The following GRIN3A variants were observed in gnomAD, a reference collection of about 807,000 sequenced individuals.
GRIN3A encodes the protein glutamate receptor ionotropic, NMDA 3A.
In GRIN3A, 47 loss-of-function variants were observed where a neutral mutation model predicts 92.4. That is an observed-to-expected ratio of 0.51 (90% CI 0.40 to 0.65). The LOEUF is 0.65. Ranked by LOEUF, GRIN3A falls within the 30% of genes least tolerant of loss-of-function variation. The probability of loss-of-function intolerance (pLI) is 0.00; values close to 1 mark genes in which losing one functional copy is unlikely to be tolerated. For synonymous variants in GRIN3A, 527 were observed against 540.6 expected, an observed-to-expected ratio of 0.97 and a Z score of 0.35; for missense variants, 1,324 against 1,393.1, an observed-to-expected ratio of 0.95 and a Z score of 0.79.
chr9:101,673,727 A>T (rs1185223632), intron 2 of GRIN3A, among the ~76,000 whole-genome samples: 1 of 152,060 alleles, frequency 6.6e-6, no homozygotes, highest in Non-Finnish European at 1.5e-5. Context: ...CAAGGAGAAA[A>T]ATCAGGAATA....
intron 1 of GRIN3A, among the ~76,000 whole-genome samples, chr9:101,710,897 C>G (rs1325680033): frequency 1.3e-5 from 2 of 152,124 alleles, no homozygotes; most frequent in Non-Finnish European, 2.9e-5. Context: ...CAGCTCTGAG[C>G]AGTTATGCTA....
intron 3 of GRIN3A, among the ~76,000 whole-genome samples, chr9:101,665,361 G>A (rs1221102765): frequency 2.0e-5 from 3 of 151,864 alleles, no homozygotes; most frequent in Non-Finnish European, 4.4e-5. Context: ...AGAGTTAAAG[G>A]AGAAAGGAGG....
chr9:101,689,297 C>A (rs868782311), intron 1 of GRIN3A, among the ~76,000 whole-genome samples: 25 of 152,140 alleles, frequency 1.6e-4, no homozygotes, highest in Admixed American at 2.0e-4. Context: ...TCTCCTGCAC[C>A]ATAACCTCCG....
At chr9:101,630,292 G>A (rs193096556) in intron 3 of GRIN3A, among the ~76,000 whole-genome samples, 1 of 152,160 alleles carries the variant, frequency 6.6e-6, no homozygotes, top group Non-Finnish European at 1.5e-5. Context: ...CTTTGGTCTT[G>A]TCTAGCTTCA....
At chr9:101,611,193 A>G (rs1828363423) in intron 6 of GRIN3A, among the ~76,000 whole-genome samples, 1 of 152,060 alleles carries the variant, frequency 6.6e-6, no homozygotes, top group African/African-American at 2.4e-5. Context: ...AGGTGTCAGC[A>G]GGGTTAGTTC....
chr9:101,698,291 C>T (rs1829706974), intron 1 of GRIN3A, among the ~76,000 whole-genome samples: 1 of 152,114 alleles, frequency 6.6e-6, no homozygotes, highest in East Asian at 1.9e-4. Flanking sequence ...CTTTGAGATG[C>T]TTGCATATTA....
At chr9:101,737,038 C>G (rs933768718) in intron 1 of GRIN3A, among the ~76,000 whole-genome samples, 22 of 152,264 alleles carry the variant, frequency 1.4e-4, no homozygotes, top group Admixed American at 1.3e-3. Flanking sequence ...CTCCCCACTT[C>G]TTTCCTTCCA....
At position 101,737,952 on chromosome 9, in the gene GRIN3A, G is replaced by A. The variant is rs1480661685; in HGVS notation, c.28C>T (p.Leu10=). Residue 10 remains leucine (L), a synonymous_variant, in exon 1 of 9, where the codon CTG becomes TTG. Coordinates refer to ENST00000361820, the MANE Select transcript of GRIN3A (RefSeq NM_133445.3). MRRLSLWWL[L]SRVCLLLPPP... is the part of the protein sequence containing the mutation. ...GGCAACAGCAGACAGACCCTGCTCA[G>A]CAGCCACCACAAACTCAGTCTCCTC... 6.5e-7 allele frequency: 1 copy of A among 1,537,682 alleles called. No individual in the cohort carries two copies. The highest frequency in any genetic ancestry group is 8.7e-7 in the Non-Finnish European group (1 of 1,148,492).
At chr9:101,723,317 C>T (rs910854387) in intron 1 of GRIN3A, among the ~76,000 whole-genome samples, 3 of 151,860 alleles carry the variant, frequency 2.0e-5, no homozygotes, top group Non-Finnish European at 2.9e-5. Flanking sequence ...TGCAGACCTT[C>T]GCGGTGAGTG....
intron 5 of GRIN3A, among the ~76,000 whole-genome samples, chr9:101,620,526 C>T (rs1162568376): frequency 6.6e-6 from 1 of 152,142 alleles, no homozygotes; most frequent in East Asian, 1.9e-4. Context: ...ATGAAGGAAT[C>T]ATTGCACTCT....
intron 3 of GRIN3A, among the ~76,000 whole-genome samples, chr9:101,669,549 C>T (rs945048042): frequency 2.0e-5 from 3 of 152,096 alleles, no homozygotes; most frequent in South Asian, 4.1e-4. Context: ...CCTTGTTCTA[C>T]ACTCAGTGAG....
chr9:101,612,908 G>A (rs759500294), intron 6 of GRIN3A, among the ~76,000 whole-genome samples: 24 of 152,174 alleles, frequency 1.6e-4, no homozygotes, highest in African/African-American at 5.3e-4. Context: ...AGAAGTACTC[G>A]CTAAGGTATG....
intron 6 of GRIN3A, among the ~76,000 whole-genome samples, chr9:101,606,906 A>ATTTTTTTTTTTTTTTTTT (rs536780165): frequency 1.2e-5 from 1 of 86,202 alleles, no homozygotes; most frequent in Non-Finnish European, 2.2e-5. Context: ...AAAAAATTAC[A>ATTTTTTTTTTTTTTTTTT]TTTTTTTTTT....
chr9:101,604,201 AG>A (rs1828247346), intron 6 of GRIN3A, among the ~76,000 whole-genome samples: 1 of 152,216 alleles, frequency 6.6e-6, no homozygotes, highest in Non-Finnish European at 1.5e-5. Context: ...AGAGAAAGAA[AG>A]GGAAGGAATG....
intron 1 of GRIN3A, among the ~76,000 whole-genome samples, chr9:101,689,413 A>G (rs1829583291): frequency 6.6e-6 from 1 of 152,182 alleles, no homozygotes; most frequent in Non-Finnish European, 1.5e-5. Flanking sequence ...AATCATATTG[A>G]GCATTTAGTA....
intron 6 of GRIN3A, among the ~76,000 whole-genome samples, chr9:101,579,647 A>AC (rs1304195673): frequency 6.6e-6 from 1 of 152,082 alleles, no homozygotes; most frequent in Non-Finnish European, 1.5e-5. Flanking sequence ...GTCCATGGGG[A>AC]CCCCGAAGAA....
chr9:101,656,531 G>A (rs1253608715), intron 3 of GRIN3A, among the ~76,000 whole-genome samples: 1 of 151,860 alleles, frequency 6.6e-6, no homozygotes, highest in African/African-American at 2.4e-5. Flanking sequence ...TGGATCATAT[G>A]GAAACTGACC....
rs186364096 is a variant in GRIN3A, at chr9:101,598,632, T to C, written c.2766+14744A>G. On this transcript the variant is annotated intron_variant, in intron 6 of 8. Transcript: ENST00000361820. ...AATGTTAGTCAATATAATGTCATTATCATCATTGCTATTATTACTAATTTT... is the reference window on the plus strand; with the variant it reads ...AATGTTAGTCAATATAATGTCATTACCATCATTGCTATTATTACTAATTTT... Among the ~76,000 whole-genome samples, 516 of 152,302 alleles carry C rather than the reference T, an allele frequency of 3.4e-3. 6 individuals are homozygous for C. Among genetic ancestry groups the C allele is most frequent in the African/African-American group, 0.012 (492 of 41,570 alleles).
In GRIN3A at chr9:101,569,779, T is replaced by C. The variant is rs1368558852; in HGVS notation, c.*3395A>G. On this transcript the variant is annotated 3_prime_UTR_variant, in exon 9 of 9. Coordinates refer to ENST00000361820, the MANE Select transcript of GRIN3A (RefSeq NM_133445.3). ...TGTTTTTCCTATCAAAAATATGAGT[T>C]GGGAGAAAAAGAGGCTCTAAAGTAG... The C allele has an allele frequency of 6.6e-6, 1 of 152,172 alleles. No homozygotes were observed. The highest frequency in any genetic ancestry group is 1.5e-5 in the Non-Finnish European group (1 of 68,032). 9.4% of individuals were successfully genotyped at this position (152,172 alleles called of 1,614,324 possible).
Sources: gnomAD v4.1 joint callset for allele counts (sites outside exome capture counted in the v4.1 genomes callset) on GRCh38, gnomAD v4.1.1 for gene constraint, MANE v1.5 for transcripts, NCBI Gene and HGNC (gene_info 2026-07-23, HGNC 2026-07-21) for gene names.